METTL26: variants seen among roughly 807,000 people sequenced by gnomAD.
METTL26 encodes the protein methyltransferase like 26.
METTL26 carries 28 observed loss-of-function variants against 24.7 expected under a neutral mutation model. That is an observed-to-expected ratio of 1.13 (90% confidence interval 0.84 to 1.55). The LOEUF (loss-of-function observed/expected upper bound fraction) is 1.55, where lower values mean the gene tolerates loss of function less well. Ranked by LOEUF, METTL26 falls within the 40% of genes most tolerant of loss-of-function variation. The probability of loss-of-function intolerance (pLI) is 0.00; values close to 1 mark genes in which losing one functional copy is unlikely to be tolerated. For missense variants in METTL26, 344 were observed against 281.2 expected, an observed-to-expected ratio of 1.22 and a Z score of -1.60; for synonymous variants, 165 against 125.2, an observed-to-expected ratio of 1.32 and a Z score of -2.12.
At chr16:636,005 C>T in intron 1 of METTL26, 89 bp downstream of exon 1, 1 of 1,438,298 alleles carries the variant, frequency 7.0e-7, no homozygotes, top group Non-Finnish European at 9.1e-7. Flanking sequence ...GAGCCCGAGC[C>T]GCATCCTTTT....
chr16:635,189 G>T (rs2037072598), intron 3 of METTL26, 92 bp downstream of exon 3: 1 of 1,483,776 alleles, frequency 6.7e-7, no homozygotes, highest in South Asian at 1.3e-5. Context: ...CTGGGCGGGG[G>T]GCAGGGAGCC....
rs753449471 is a variant in METTL26, at chr16:634,712, C to G, written c.567+7G>C. Reference sequence around the variant, plus strand: ...GAGGTTGCCTGGGCCCCCGCTCCCCCACCTACCATCCTCTCCAGGAGCAGG... The same window carrying G: ...GAGGTTGCCTGGGCCCCCGCTCCCCGACCTACCATCCTCTCCAGGAGCAGG... On this transcript the variant is annotated splice_region_variant and intron_variant, in intron 5 of 5. Transcript: ENST00000301686. The G allele has an allele frequency of 6.2e-6, 10 of 1,612,764 alleles. No homozygotes were observed. In the Admixed American group the frequency reaches 8.3e-5, roughly 13 times the overall value.
Position 634,501 on chromosome 16 carries a change from G to A in METTL26, c.*96C>T. On this transcript the variant is annotated 3_prime_UTR_variant, in exon 6 of 6. Coordinates refer to ENST00000301686, the MANE Select transcript of METTL26 (RefSeq NM_032366.5). ...CAGCGGCTGAGAGCACAGACTGGGTGGGGCTGTCGTCCACAAGGTCCGGCC... is the reference window on the plus strand; with the variant it reads ...CAGCGGCTGAGAGCACAGACTGGGTAGGGCTGTCGTCCACAAGGTCCGGCC... 1 of 1,603,460 alleles carries A rather than the reference G, an allele frequency of 6.2e-7. No homozygotes were observed.
chr16:634,567 G>A lies in METTL26; in HGVS notation c.*30C>T. The A allele has an allele frequency of 6.2e-7, 1 of 1,613,160 alleles. No homozygotes were observed. The highest frequency in any genetic ancestry group is 8.5e-7 in the Non-Finnish European group (1 of 1,179,958). ...CGTGCCTCACAGAGCCTCCGGCAGG[G>A]ATGCAGGTGTGCGGGGGTGAAGGAG... is the stretch of plus-strand genomic sequence containing the variant. On this transcript the variant is annotated 3_prime_UTR_variant, in exon 6 of 6. Transcript: ENST00000301686.
Position 634,459 on chromosome 16 carries a change from A to T in METTL26, c.*138T>A. 6.6e-7 allele frequency: 1 copy of T among 1,509,190 alleles called. No homozygotes were observed. The highest frequency in any genetic ancestry group is 9.2e-7 in the Non-Finnish European group (1 of 1,087,724). 93.5% of individuals were successfully genotyped at this position (1,509,190 alleles called of 1,614,324 possible). On this transcript the variant is annotated 3_prime_UTR_variant, in exon 6 of 6. Coordinates refer to ENST00000301686, the MANE Select transcript of METTL26 (RefSeq NM_032366.5). ...CAGCAGGACATGCTTTATTCTGAGCAGGCTGGGCCCTTCGGCCAGCGGCTG... is the reference window on the plus strand; with the variant it reads ...CAGCAGGACATGCTTTATTCTGAGCTGGCTGGGCCCTTCGGCCAGCGGCTG...
intron 1 of METTL26, 108 bp from the exon 2 acceptor site, chr16:635,882 A>C: frequency 7.1e-7 from 1 of 1,415,614 alleles, no homozygotes; most frequent in Non-Finnish European, 9.3e-7. Context: ...AGGAGCGGAG[A>C]CCAAAGCGGC....
rs181861375 is a variant in METTL26, at chr16:634,811, G to A, written c.489-14C>T. 6.8e-4 allele frequency: 1,084 copies of A among 1,604,396 alleles called. 8 individuals carry two copies. The African/African-American group carries it at 0.013, about 19-fold the overall frequency. On this transcript the variant is annotated splice_polypyrimidine_tract_variant and intron_variant, in intron 4 of 5. Coordinates refer to ENST00000301686, the MANE Select transcript of METTL26 (RefSeq NM_032366.5). ...CATTCTGGGTTCCTGCAGAGGGTGG[G>A]GAGATGGAGTCATGGCCTGGGGGGT...
intron 1 of METTL26, 112 bp downstream of exon 1, chr16:635,982 C>T: frequency 1.4e-6 from 2 of 1,401,168 alleles, no homozygotes; most frequent in South Asian, 1.5e-5. Context: ...CAGGCTCCCA[C>T]CCCGCACCCT....
At chr16:635,096 C>T (rs2037067999) in intron 3 of METTL26, 140 bp from the exon 4 acceptor site, 1 of 1,512,452 alleles carries the variant, frequency 6.6e-7, no homozygotes, top group African/African-American at 1.4e-5. Flanking sequence ...CAAGGCCAGC[C>T]TGGTGGGCAA....
chr16:634,761 C>T lies in METTL26; in HGVS notation c.525G>A (p.Leu175=), dbSNP rs2037041662. ...GGCCACTGGCCTTTCCCAGGTCCTC[C>T]AGGAGGGCTGTGTCCCGAAGCCCCC... The part of the protein sequence containing the change: ...PEWGLRDTAL[L]EDLGKASGLL... The change falls in exon 5 of 6, where the codon CTG becomes CTA. Residue 175 remains leucine (L), a synonymous_variant. Transcript: ENST00000301686. 6.2e-7 allele frequency: 1 copy of T among 1,612,510 alleles called. No homozygotes were observed. Among genetic ancestry groups the T allele is most frequent in the Non-Finnish European group, 8.5e-7 (1 of 1,179,760 alleles).
At chr16:634,824 T>A in intron 4 of METTL26, 27 bp from the exon 5 acceptor site, 2 of 1,595,878 alleles carry the variant, frequency 1.3e-6, no homozygotes, top group Non-Finnish European at 1.7e-6. Flanking sequence ...GATGGAGTCA[T>A]GGCCTGGGGG....
chr16:636,301 A>T lies in METTL26; in HGVS notation c.-11T>A. On this transcript the variant is annotated 5_prime_UTR_variant, in exon 1 of 6. In the 5' UTR this introduces an upstream ATG that the reference lacks. Transcript: ENST00000301686. ...CGCCGCCACCAGCATCGCGGCAGCA[A>T]CAACTCCCCGCCGCGGACGCGGCGC... 3.5e-6 allele frequency: 5 copies of T among 1,418,068 alleles called. No individual in the cohort carries two copies. Among genetic ancestry groups the T allele is most frequent in the Non-Finnish European group, 4.6e-6 (5 of 1,095,006 alleles). The allele number at this position is 1,418,068 out of a possible 1,614,324, so 87.8% of individuals were successfully genotyped here. A position where few individuals can be genotyped will look rare whatever the true frequency, so the allele number is the denominator to read the frequency against.
In METTL26 at chr16:635,607, C is replaced by T; in HGVS notation, c.360+5G>A. 1.9e-6 allele frequency: 3 copies of T among 1,549,162 alleles called. No homozygotes were observed. Among genetic ancestry groups the T allele is most frequent in the Non-Finnish European group, 2.6e-6 (3 of 1,146,774 alleles). ...GCAGACACCCATGCTGGGCTCCCCA[C>T]AGACCTCCGTGCAGCGCAGGGGGCT... On this transcript the variant is annotated splice_donor_5th_base_variant and intron_variant, in intron 2 of 5. Transcript: ENST00000301686.
rs1016856331 is a variant in METTL26, at chr16:634,431, C to T, written c.*166G>A. 3.4e-5 allele frequency: 47 copies of T among 1,369,822 alleles called. No individual in the cohort carries two copies. The highest frequency in any genetic ancestry group is 1.8e-4 in the East Asian group (8 of 43,660). 84.9% of individuals were successfully genotyped at this position (1,369,822 alleles called of 1,614,324 possible). ...GGAGGTGGGGCAGACACCAGCAAGC[C>T]GGCAGCAGGACATGCTTTATTCTGA... On this transcript the variant is annotated 3_prime_UTR_variant, in exon 6 of 6. Coordinates refer to ENST00000301686, the MANE Select transcript of METTL26 (RefSeq NM_032366.5).
In METTL26 at chr16:635,968, C is replaced by A; in HGVS notation, c.197+126G>T. On this transcript the variant is annotated intron_variant, in intron 1 of 5. Transcript: ENST00000301686. ...ACAGCTAGGGCCTGCCCCGGGGGCA[C>A]CCCCAGGCTCCCACCCCGCACCCTC... 5.9e-6 allele frequency: 8 copies of A among 1,355,698 alleles called. 1 individual carries two copies. The South Asian group carries it at 9.1e-5, about 15-fold the overall frequency. The allele number at this position is 1,355,698 out of a possible 1,614,324, so 84.0% of individuals were successfully genotyped here. A position where few individuals can be genotyped will look rare whatever the true frequency, so the allele number is the denominator to read the frequency against.
chr16:635,725 G>C lies in METTL26; in HGVS notation c.247C>G (p.Leu83Val). ...CAGCCCCACGTCACGTCCAGGTGTA[G>C]CGGGGCCTTCACGTTGGTCAGGCCC... ...AQGLTNVKAPLHLDVTWGWEH... is the reference protein window; with the variant it reads ...AQGLTNVKAPVHLDVTWGWEH... Residue 83 changes from leucine to valine, a missense_variant, in exon 2 of 6, where the codon CTA becomes GTA. By Grantham distance (32) the Leu-to-Val change is conservative. Coordinates refer to ENST00000301686, the MANE Select transcript of METTL26 (RefSeq NM_032366.5). 2 of 1,575,220 alleles carry C rather than the reference G, an allele frequency of 1.3e-6. No homozygotes were observed. Among genetic ancestry groups the C allele is most frequent in the South Asian group, 2.3e-5 (2 of 85,916 alleles).
intron 3 of METTL26, 144 bp downstream of exon 3, chr16:635,137 G>T: frequency 6.7e-7 from 1 of 1,484,298 alleles, no homozygotes; most frequent in Non-Finnish European, 9.0e-7. Context: ...ATGACCCAGG[G>T]AGGGGTACAG....
At position 635,253 on chromosome 16, in the gene METTL26, G is replaced by A. The variant is rs773819668; in HGVS notation, c.420+28C>T. Reference sequence around the variant, plus strand: ...AGACAGCAGCTAGGACTGGGAGCGGGAGGCCCGCCGTGGACAGGCCCACTC... The same window carrying A: ...AGACAGCAGCTAGGACTGGGAGCGGAAGGCCCGCCGTGGACAGGCCCACTC... On this transcript the variant is annotated intron_variant, in intron 3 of 5. Transcript: ENST00000301686. The A allele has an allele frequency of 5.2e-6, 8 of 1,552,600 alleles. No homozygotes were observed. In the African/African-American group the frequency reaches 5.4e-5, roughly 10 times the overall value.
intron 1 of METTL26, 87 bp from the exon 2 acceptor site, chr16:635,861 G>A: frequency 6.9e-7 from 1 of 1,451,680 alleles, no homozygotes; most frequent in Non-Finnish European, 9.1e-7. Flanking sequence ...GGGAGGCTGG[G>A]GGGCACGTTG....
Sources: gnomAD v4.1 joint callset for allele counts on GRCh38, gnomAD v4.1.1 for gene constraint, MANE v1.5 for transcripts, NCBI Gene and HGNC (gene_info 2026-07-23, HGNC 2026-07-21) for gene names.